STK4: variants seen among roughly 807,000 people sequenced by gnomAD.
The protein encoded by STK4 is serine/threonine kinase 4.
STK4 carries 30 observed loss-of-function variants against 64.9 expected under a neutral mutation model. The observed-to-expected ratio is 0.46, with a 90% CI of 0.35 to 0.63. The LOEUF is 0.63. STK4 is among the 20% of genes least tolerant of loss of function. The pLI is 0.01. For synonymous variants in STK4, 177 were observed against 199.0 expected (o/e 0.89, Z 0.93); for missense variants, 466 against 598.5 (o/e 0.78, Z 2.31).
chr20:44,976,007 TTAATA>T (rs1160912403), intron 2 of STK4, among the ~76,000 whole-genome samples: 2 of 152,152 alleles, frequency 1.3e-5, no homozygotes, highest in Non-Finnish European at 2.9e-5. Flanking sequence ...CAAAAACAAT[TTAATA>T]TAATTACAAT....
chr20:45,060,985 A>G (rs1397353801), intron 10 of STK4, among the ~76,000 whole-genome samples: 1 of 152,198 alleles, frequency 6.6e-6, no homozygotes, highest in African/African-American at 2.4e-5. Context: ...ATGTAATGCT[A>G]GATATCAGCA....
rs374200914 is a variant in STK4, at chr20:45,018,956, T to C, written c.1148-6017T>C. Among the ~76,000 whole-genome samples, 61 of 152,306 alleles carry C rather than the reference T, an allele frequency of 4.0e-4. 2 individuals carry two copies. The highest frequency in any genetic ancestry group is 1.2e-3 in the African/African-American group (51 of 41,566). ...TATGTTGCTCAGGCTAGTCTCGAACTCGTGGCCTCAAGCCATCCTCCTGCC... is the reference window on the plus strand; with the variant it reads ...TATGTTGCTCAGGCTAGTCTCGAACCCGTGGCCTCAAGCCATCCTCCTGCC... On this transcript the variant is annotated intron_variant, in intron 9 of 10. Coordinates refer to ENST00000372806, the MANE Select transcript of STK4 (RefSeq NM_006282.5).
intron 10 of STK4, among the ~76,000 whole-genome samples, chr20:45,026,128 G>GGTTTTTT (rs1490924969): frequency 7.8e-6 from 1 of 128,982 alleles, no homozygotes; most frequent in African/African-American, 3.0e-5. Flanking sequence ...TTATCCAGTG[G>GGTTTTTT]TTTTTTTTTT....
At chr20:45,009,133 C>T (rs76104057) in intron 9 of STK4, among the ~76,000 whole-genome samples, 5 of 152,078 alleles carry the variant, frequency 3.3e-5, no homozygotes, top group South Asian at 2.1e-4. Flanking sequence ...TGAAGGGTAT[C>T]GCCTAGGTTT....
chr20:44,988,201 C>G (rs1420983282), intron 5 of STK4, among the ~76,000 whole-genome samples: 1 of 151,864 alleles, frequency 6.6e-6, no homozygotes, highest in Non-Finnish European at 1.5e-5. Flanking sequence ...AAAAAATACA[C>G]CCTCTGATGG....
At chr20:45,061,770 A>G (rs960719883) in intron 10 of STK4, among the ~76,000 whole-genome samples, 2 of 151,200 alleles carry the variant, frequency 1.3e-5, no homozygotes, top group African/African-American at 4.9e-5. Flanking sequence ...CCCTCCAGTA[A>G]TCCTCAGTGT....
chr20:45,022,115 CG>C (rs1464076455), intron 9 of STK4, among the ~76,000 whole-genome samples: 2 of 151,942 alleles, frequency 1.3e-5, no homozygotes, highest in African/African-American at 4.8e-5. Context: ...GGAATTTTTC[CG>C]TTCTTCTGTC....
intron 5 of STK4, among the ~76,000 whole-genome samples, chr20:44,993,156 TTTGC>T (rs2145679368): frequency 6.6e-6 from 1 of 152,200 alleles, no homozygotes; most frequent in East Asian, 1.9e-4. Context: ...TAATCTATTC[TTTGC>T]TTGCTGATTT....
At chr20:44,970,775 CCTT>C (rs2067229788) in intron 1 of STK4, among the ~76,000 whole-genome samples, 1 of 151,978 alleles carries the variant, frequency 6.6e-6, no homozygotes, top group Admixed American at 6.6e-5. Flanking sequence ...ATAAGATTGT[CCTT>C]CTGAGATCAG....
At chr20:45,006,014 T>C (rs569020088) in intron 9 of STK4, among the ~76,000 whole-genome samples, 2 of 151,944 alleles carry the variant, frequency 1.3e-5, no homozygotes, top group South Asian at 4.1e-4. Context: ...TTCTAGATGA[T>C]TTACTTTTTT....
At chr20:45,051,617 A>G (rs1246382373) in intron 10 of STK4, among the ~76,000 whole-genome samples, 4 of 152,180 alleles carry the variant, frequency 2.6e-5, no homozygotes, top group African/African-American at 7.2e-5. Flanking sequence ...GCATTGCTCT[A>G]TCACATGGAT....
intron 10 of STK4, among the ~76,000 whole-genome samples, chr20:45,036,053 A>T (rs2068522760): frequency 6.6e-6 from 1 of 152,222 alleles, no homozygotes; most frequent in Non-Finnish European, 1.5e-5. Flanking sequence ...ACTAGTTAAT[A>T]AACAATGTAT....
chr20:44,972,287 G>A, intron 2 of STK4, 129 bp downstream of exon 2: 2 of 764,220 alleles, frequency 2.6e-6, no homozygotes, highest in South Asian at 3.5e-5. Flanking sequence ...AGCTTGTGAT[G>A]TCCTTCTTCG....
chr20:45,040,106 G>T (rs2099701586), intron 10 of STK4, among the ~76,000 whole-genome samples: 1 of 149,138 alleles, frequency 6.7e-6, no homozygotes, highest in African/African-American at 2.5e-5. Context: ...CCATCAGAAG[G>T]TTCATAATAT....
intron 10 of STK4, among the ~76,000 whole-genome samples, chr20:45,066,613 A>G (rs532111095): frequency 6.6e-6 from 1 of 152,276 alleles, no homozygotes; most frequent in South Asian, 2.1e-4. Flanking sequence ...CTTGGTAAAT[A>G]TTTTTTATAT....
intron 2 of STK4, chr20:44,973,563 A>G (rs2067288519): frequency 6.6e-6 from 1 of 152,268 alleles, no homozygotes; most frequent in Non-Finnish European, 1.5e-5. Flanking sequence ...AGTTATACTT[A>G]GAATAAGTTC....
chr20:44,967,108 A>G (rs530996999), intron 1 of STK4: 3 of 981,174 alleles, frequency 3.1e-6, no homozygotes, highest in East Asian at 1.1e-4. Context: ...GCATGCGAGG[A>G]AAGGTTGAGG....
chr20:44,987,635 A>G (rs946222871), intron 5 of STK4, among the ~76,000 whole-genome samples: 5 of 152,206 alleles, frequency 3.3e-5, no homozygotes, highest in Non-Finnish European at 7.3e-5. Flanking sequence ...TGACTAAGAC[A>G]TAACATCATC....
intron 10 of STK4, among the ~76,000 whole-genome samples, chr20:45,052,603 A>G (rs1187773987): frequency 6.6e-6 from 1 of 152,042 alleles, no homozygotes; most frequent in Non-Finnish European, 1.5e-5. Context: ...TTTCTTGTCA[A>G]CAGGAGGTTT....
Sources: gnomAD v4.1 joint callset for allele counts (sites outside exome capture counted in the v4.1 genomes callset) on GRCh38, gnomAD v4.1.1 for gene constraint, MANE v1.5 for transcripts, NCBI Gene and HGNC (gene_info 2026-07-23, HGNC 2026-07-21) for gene names.